ANO7: variants seen among roughly 807,000 people sequenced by gnomAD.
ANO7 encodes anoctamin 7, also known as anoctamin-7.
In ANO7, 114 loss-of-function variants were observed where a neutral mutation model predicts 115.8. The ratio of observed to expected loss-of-function variants is 0.98; its 90% confidence interval spans 0.85 to 1.15. The LOEUF (loss-of-function observed/expected upper bound fraction) is 1.15. Ranked by LOEUF, ANO7 falls within the 50% of genes most tolerant of loss-of-function variation. ANO7 has a pLI of 0.00. For missense variants in ANO7, 1,302 were observed against 1,201.2 expected (o/e 1.08, Z -1.24); for synonymous variants, 550 against 498.2 (o/e 1.10, Z -1.38).
intron 24 of ANO7, 62 bp from the exon 25 acceptor site, chr2:241,224,035 C>T (rs571215554): frequency 1.3e-5 from 21 of 1,613,050 alleles, no homozygotes; most frequent in African/African-American, 5.3e-5. Flanking sequence ...CACTGTGCCT[C>T]GTGGCCATGG....
chr2:241,231,833 C>T, the ANO7 span, among the ~76,000 whole-genome samples: 4 of 152,106 alleles, frequency 2.6e-5, no homozygotes, highest in East Asian at 3.8e-4. Context: ...AGCCCACAAT[C>T]GGCGAAAACA....
At chr2:241,235,561 G>C in the ANO7 span, 1 of 1,614,020 alleles carries the variant, frequency 6.2e-7, no homozygotes, top group Admixed American at 1.7e-5. Flanking sequence ...AGGTCAAAGG[G>C]CACCTCTACT....
chr2:241,226,679 T>C (rs1008146609), downstream of ANO7, among the ~76,000 whole-genome samples: 44 of 152,282 alleles, frequency 2.9e-4, no homozygotes, highest in Non-Finnish European at 5.1e-4. Context: ...CCACCTCGGC[T>C]TCCCAAAGTG....
rs765216293 is a variant in ANO7, at chr2:241,200,243, C to T, written c.554+18C>T. ...CTGCCACGGTAAGGCAGGGGCCCTGCCAGTCGGAGGAAAGAACAGGAGTGA... is the reference window on the plus strand; with the variant it reads ...CTGCCACGGTAAGGCAGGGGCCCTGTCAGTCGGAGGAAAGAACAGGAGTGA... On this transcript the variant is annotated intron_variant, in intron 6 of 24. Coordinates refer to ENST00000674324, the MANE Select transcript of ANO7 (RefSeq NM_001370694.2). 1 of 1,608,882 alleles carries T rather than the reference C, an allele frequency of 6.2e-7. No individual in the cohort carries two copies. Among genetic ancestry groups the T allele is most frequent in the Non-Finnish European group, 8.5e-7 (1 of 1,177,878 alleles).
intron 15 of ANO7, among the ~76,000 whole-genome samples, chr2:241,210,961 C>A (rs1407354427): frequency 6.6e-6 from 1 of 152,162 alleles, no homozygotes; most frequent in Non-Finnish European, 1.5e-5. Flanking sequence ...TGAGCCACAG[C>A]ACCTGGTTTT....
intron 4 of ANO7, among the ~76,000 whole-genome samples, chr2:241,198,069 T>C (rs2068385888): frequency 6.6e-6 from 1 of 152,238 alleles, no homozygotes; most frequent in Non-Finnish European, 1.5e-5. Context: ...GTCCTGGTCA[T>C]GATGGTGTCC....
rs552504589 is a variant in ANO7 at position 241,200,937 on chromosome 2, G to A, written c.555-361G>A. ...ATGACGGAGCTTCAGGGCGGCACAC[G>A]GGATGGGGCTCCCTGGCCAGCCTGG... On this transcript the variant is annotated intron_variant, in intron 6 of 24. Transcript: ENST00000674324. 9.1e-4 allele frequency among the ~76,000 whole-genome samples: 139 copies of A among 152,358 alleles called. 1 individual carries two copies. The highest frequency in any genetic ancestry group is 2.8e-3 in the African/African-American group (118 of 41,578).
rs150352902 is a variant in ANO7, at chr2:241,195,820, G to A, written c.284G>A (p.Arg95His). 4.2e-4 allele frequency: 674 copies of A among 1,614,244 alleles called. 2 individuals carry two copies. The highest frequency in any genetic ancestry group is 1.2e-3 in the Middle Eastern group (7 of 6,062). The stretch of plus-strand genomic sequence containing the variant: ...CGGGAGACTTTTCTGGATAATCTTC[G>A]TGCGGCTGGGCTGTGTGTAGACCAG... ...TWRETFLDNL[R>H]AAGLCVDQQD... is the part of the protein sequence containing the mutation. Residue 95 changes from arginine to histidine, a missense_variant, in exon 4 of 25, where the codon CGT becomes CAT. Physicochemically the swap from Arg to His is conservative, Grantham distance 29 (BLOSUM62 0). Transcript: ENST00000674324.
intron 3 of ANO7, among the ~76,000 whole-genome samples, chr2:241,193,017 G>A (rs2068240137): frequency 6.6e-6 from 1 of 152,082 alleles, no homozygotes; most frequent in Non-Finnish European, 1.5e-5. Context: ...CCAATGACCT[G>A]TACACTTAAA....
At chr2:241,199,476 A>G in intron 5 of ANO7, 53 bp downstream of exon 5, 1 of 1,572,570 alleles carries the variant, frequency 6.4e-7, no homozygotes. Flanking sequence ...GTCCCCACAC[A>G]CTGCGTTCAG....
At chr2:241,206,982 A>C (rs375156624) in intron 10 of ANO7, among the ~76,000 whole-genome samples, 5 of 52,250 alleles carry the variant, frequency 9.6e-5, no homozygotes, top group South Asian at 7.7e-4. Context: ...GTGGGCAGGA[A>C]TGCTCCCAGC....
intron 5 of ANO7, among the ~76,000 whole-genome samples, chr2:241,199,723 G>C (rs1398437538): frequency 6.6e-6 from 1 of 152,206 alleles, no homozygotes; most frequent in Non-Finnish European, 1.5e-5. Context: ...CTATGAACAT[G>C]GGGTGGAGAA....
chr2:241,220,749 G>A (rs1023256774), intron 21 of ANO7, among the ~76,000 whole-genome samples: 8 of 152,304 alleles, frequency 5.3e-5, no homozygotes, highest in African/African-American at 1.4e-4. Flanking sequence ...TCAGTGAGCC[G>A]AGATTGTGCC....
intron 10 of ANO7, among the ~76,000 whole-genome samples, 157 bp downstream of exon 10, chr2:241,205,112 A>G (rs2068559365): frequency 6.6e-6 from 1 of 152,206 alleles, no homozygotes; most frequent in African/African-American, 2.4e-5. Flanking sequence ...GGAGTGTCAC[A>G]GAGGGCCTTG....
At chr2:241,208,916 A>T (rs11680501) in intron 11 of ANO7, among the ~76,000 whole-genome samples, 1 of 151,528 alleles carries the variant, frequency 6.6e-6, no homozygotes, top group Non-Finnish European at 1.5e-5. Context: ...TTGGGAGGCC[A>T]AGGCGGGTGG....
At chr2:241,237,352 G>T in the ANO7 span, among the ~76,000 whole-genome samples, 1 of 152,212 alleles carries the variant, frequency 6.6e-6, no homozygotes, top group East Asian at 1.9e-4. Flanking sequence ...GACAGCTGGA[G>T]GGGCTCCTAC....
rs770128297 is a variant in ANO7, at chr2:241,202,171, G to T, written c.613-23G>T. 4 of 1,602,736 alleles carry T rather than the reference G, an allele frequency of 2.5e-6. No homozygotes were observed. The South Asian group carries it at 4.4e-5, about 18-fold the overall frequency. ...TGCTATCACGTGACAAGTGACCTGC[G>T]CCATCCTCCACATCCCCTGCAGCTG... On this transcript the variant is annotated intron_variant, in intron 7 of 24. Transcript: ENST00000674324.
intron 21 of ANO7, among the ~76,000 whole-genome samples, chr2:241,222,407 C>G (rs34773722): frequency 3.3e-5 from 5 of 151,962 alleles, no homozygotes; most frequent in Admixed American, 6.6e-5. Context: ...GGAACTCCCA[C>G]TGGGCTGTGG....
At chr2:241,239,628 G>A in the ANO7 span, 22 of 1,614,030 alleles carry the variant, frequency 1.4e-5, no homozygotes, top group East Asian at 2.2e-5. This position sits in a 1 kb window ranked among gnomAD's most constrained non-coding sequence, Gnocchi z 4.6. Context: ...TCCTGAATGC[G>A]TTTCTTGGCT....
Sources: gnomAD v4.1 joint callset for allele counts (sites outside exome capture counted in the v4.1 genomes callset) on GRCh38, gnomAD v4.1.1 for gene constraint, Gnocchi (gnomAD v3.1) non-coding constraint, MANE v1.5 for transcripts, NCBI Gene and HGNC (gene_info 2026-07-23, HGNC 2026-07-21) for gene names.